Variants in KIAA0825 observed in about 807,000 individuals in gnomAD.
The protein encoded by KIAA0825 is uncharacterized protein KIAA0825.
KIAA0825 carries 119 observed loss-of-function variants against 147.6 expected under a neutral mutation model. The ratio of observed to expected loss-of-function variants is 0.81; its 90% CI spans 0.69 to 0.94. The LOEUF is 0.94. Among genes scored for constraint, KIAA0825 ranks in the 40% least tolerant of loss-of-function variants. The pLI is 0.00. For missense variants in KIAA0825, 1,381 were observed against 1,472.7 expected (o/e 0.94, Z 1.02); for synonymous variants, 470 against 518.1 (o/e 0.91, Z 1.26).
Position 94,384,464 on chromosome 5 carries a change from T to C in KIAA0825, c.3620-6A>G. On this transcript the variant is annotated splice_region_variant and splice_polypyrimidine_tract_variant and intron_variant, in intron 19 of 20. Transcript: ENST00000682413. ...CCAGTTCCATTTTGTGATGGCTGAC[T>C]GTTGATAAATGAGAAGACACTATTG... 1.3e-6 allele frequency: 2 copies of C among 1,546,718 alleles called. No homozygotes were observed. The highest frequency in any genetic ancestry group is 1.8e-6 in the Non-Finnish European group (2 of 1,142,274).
intron 2 of KIAA0825, among the ~76,000 whole-genome samples, chr5:94,564,971 T>C (rs1265841418): frequency 1.4e-5 from 2 of 144,978 alleles, no homozygotes; most frequent in African/African-American, 5.4e-5. Context: ...TCTTTTCTTT[T>C]TCTTCTCTTC....
chr5:94,437,916 T>C (rs1466760371), intron 14 of KIAA0825, among the ~76,000 whole-genome samples: 1 of 152,208 alleles, frequency 6.6e-6, no homozygotes, highest in Non-Finnish European at 1.5e-5. Context: ...GATCACTGAT[T>C]GGCCAAGCAC....
intron 2 of KIAA0825, among the ~76,000 whole-genome samples, chr5:94,579,062 C>T (rs1286261983): frequency 6.6e-6 from 1 of 152,172 alleles, no homozygotes; most frequent in East Asian, 1.9e-4. Flanking sequence ...GCTGGGACTA[C>T]AGGAGCGTGC....
At chr5:94,515,184 A>ACTGAGC (rs1767031855) in intron 5 of KIAA0825, among the ~76,000 whole-genome samples, 1 of 152,174 alleles carries the variant, frequency 6.6e-6, no homozygotes, top group Non-Finnish European at 1.5e-5. Flanking sequence ...AACACTGAGA[A>ACTGAGC]ATGTAGCATT....
intron 20 of KIAA0825, among the ~76,000 whole-genome samples, chr5:94,379,740 A>G (rs1477463808): frequency 1.4e-5 from 2 of 142,390 alleles, no homozygotes; most frequent in African/African-American, 2.7e-5. Context: ...GAATGTTTCC[A>G]TTTGCTTTTT....
In KIAA0825 at chr5:94,211,375, C is replaced by T. The variant is rs78158324; in HGVS notation, c.3711-57251G>A. Among the ~76,000 whole-genome samples, 1,207 of 152,212 alleles carry T rather than the reference C, an allele frequency of 7.9e-3. 5 individuals are homozygous for T. The highest frequency in any genetic ancestry group is 0.011 in the Non-Finnish European group (759 of 68,012). Reference sequence around the variant, plus strand: ...AAACTCTTTGTGGTTTTATTCCTCTCCCCTTCAAATGAGTGACTATCTTCT... The same window carrying T: ...AAACTCTTTGTGGTTTTATTCCTCTTCCCTTCAAATGAGTGACTATCTTCT... On this transcript the variant is annotated intron_variant, in intron 20 of 20. Transcript: ENST00000682413.
rs185721079 is a variant in KIAA0825 at position 94,344,938 on chromosome 5, G to A, written c.3710+39430C>T. Among the ~76,000 whole-genome samples, 133 of 152,288 alleles carry A rather than the reference G, an allele frequency of 8.7e-4. 1 individual carries two copies. Among genetic ancestry groups the A allele is most frequent in the Admixed American group, 6.3e-3 (96 of 15,302 alleles). On this transcript the variant is annotated intron_variant, in intron 20 of 20. Transcript: ENST00000682413. The stretch of plus-strand genomic sequence containing the variant: ...GAGAGGAATGGGAGTTATTGATAAT[G>A]GGTACAGTTTCAGTTTGAAAAGATG...
intron 20 of KIAA0825, among the ~76,000 whole-genome samples, chr5:94,165,700 A>C (rs62367166): frequency 6.6e-6 from 1 of 152,222 alleles, no homozygotes; most frequent in African/African-American, 2.4e-5. Flanking sequence ...GTCATTTGCA[A>C]CAGCACGGAT....
chr5:94,585,668 C>T (rs759299626), intron 1 of KIAA0825, among the ~76,000 whole-genome samples: 8 of 152,160 alleles, frequency 5.3e-5, no homozygotes, highest in Non-Finnish European at 1.2e-4. Flanking sequence ...AGGACTTGAA[C>T]TCAGCTCTGG....
Position 94,417,242 on chromosome 5 carries a change from A to G in KIAA0825, c.2621T>C (p.Met874Thr), listed in dbSNP as rs1198592768. The change falls in exon 15 of 21, where the codon ATG becomes ACG. Residue 874 changes from methionine (M) to threonine (T), a missense_variant. Met to Thr is a moderately conservative substitution (Grantham distance 81). Coordinates refer to ENST00000682413, the MANE Select transcript of KIAA0825 (RefSeq NM_001145678.3). ...QTFANVFVSY[M>T]EEEQLWDFLY... is the part of the protein sequence containing the mutation. Reference sequence around the variant, plus strand: ...AAAGTCCCATAATTGCTCTTCTTCCATGTAGCTCACAAAAACGTTTGCAAA... The same window carrying G: ...AAAGTCCCATAATTGCTCTTCTTCCGTGTAGCTCACAAAAACGTTTGCAAA... 6.4e-7 allele frequency: 1 copy of G among 1,551,074 alleles called. No homozygotes were observed. The highest frequency in any genetic ancestry group is 1.2e-5 in the South Asian group (1 of 84,044).
chr5:94,581,982 GACAAGTC>G (rs1252955216), intron 2 of KIAA0825, among the ~76,000 whole-genome samples: 1 of 152,126 alleles, frequency 6.6e-6, no homozygotes. Flanking sequence ...AACTTGTTTA[GACAAGTC>G]ACAAGTTAAA....
chr5:94,307,529 C>CTTCTA (rs1320246220), intron 20 of KIAA0825, among the ~76,000 whole-genome samples: 1 of 151,734 alleles, frequency 6.6e-6, no homozygotes, highest in Admixed American at 6.6e-5. Flanking sequence ...GCCTTGATTT[C>CTTCTA]TTCTATTTCA....
At chr5:94,359,980 T>G (rs1306286031) in intron 20 of KIAA0825, among the ~76,000 whole-genome samples, 1 of 152,226 alleles carries the variant, frequency 6.6e-6, no homozygotes, top group Non-Finnish European at 1.5e-5. Context: ...TCCTGGAGTT[T>G]ACACTCAATA....
chr5:94,198,787 G>A (rs916663509), intron 20 of KIAA0825, among the ~76,000 whole-genome samples: 2 of 152,040 alleles, frequency 1.3e-5, no homozygotes, highest in Non-Finnish European at 2.9e-5. Flanking sequence ...ACAACAAAGG[G>A]GTGGTCTTTG....
At chr5:94,322,891 C>T (rs1181266029) in intron 20 of KIAA0825, among the ~76,000 whole-genome samples, 2 of 151,250 alleles carry the variant, frequency 1.3e-5, no homozygotes, top group East Asian at 3.9e-4. Context: ...GTGGAAAGGA[C>T]AGCAAGGGCA....
intron 20 of KIAA0825, among the ~76,000 whole-genome samples, chr5:94,190,491 A>ATTTTTTT (rs70975895): frequency 2.8e-5 from 3 of 106,302 alleles, no homozygotes; most frequent in African/African-American, 7.0e-5. Context: ...ACGCCCAGCT[A>ATTTTTTT]TTTTTTTTTT....
chr5:94,592,912 G>A, intron 1 of KIAA0825: 1 of 579,288 alleles, frequency 1.7e-6, no homozygotes, highest in Non-Finnish European at 3.2e-6. Flanking sequence ...GTGTATAGAT[G>A]AGGAGCAAAT....
At chr5:94,319,101 G>A (rs2150235891) in intron 20 of KIAA0825, among the ~76,000 whole-genome samples, 1 of 152,072 alleles carries the variant, frequency 6.6e-6, no homozygotes, top group Middle Eastern at 3.4e-3. Flanking sequence ...GGATAGGGAT[G>A]TCTGAAGCCA....
chr5:94,476,021 G>T (rs1250678583), intron 7 of KIAA0825, among the ~76,000 whole-genome samples: 2 of 152,182 alleles, frequency 1.3e-5, no homozygotes, highest in African/African-American at 4.8e-5. Context: ...TATGCACGAA[G>T]TAGATAATCT....
Sources: allele counts gnomAD v4.1 joint callset (sites outside exome capture counted in the v4.1 genomes callset), GRCh38; gene constraint gnomAD v4.1.1; transcripts MANE v1.5; gene names NCBI Gene and HGNC (gene_info 2026-07-23, HGNC 2026-07-21).